LRRIQ1: variants seen among roughly 807,000 people sequenced by gnomAD.
LRRIQ1 encodes the protein leucine rich repeats and IQ motif containing 1.
LRRIQ1 carries 210 observed loss-of-function variants against 211.9 expected under a neutral mutation model. The ratio of observed to expected loss-of-function variants is 0.99; its 90% confidence interval spans 0.89 to 1.11. The LOEUF (loss-of-function observed/expected upper bound fraction) is 1.11. Among genes scored for constraint, LRRIQ1 ranks in the 50% most tolerant of loss-of-function variants. The pLI, the probability that LRRIQ1 is intolerant of heterozygous loss-of-function variation, is 0.00. For missense variants in LRRIQ1, 2,136 were observed against 1,939.5 expected, an observed-to-expected ratio of 1.10 and a Z score of -1.90; for synonymous variants, 699 against 650.1, an observed-to-expected ratio of 1.08 and a Z score of -1.14.
At chr12:85,236,830 CATATATAT>C (rs60371759) in intron 26 of LRRIQ1, among the ~76,000 whole-genome samples, 1,203 of 108,800 alleles carry the variant, frequency 0.011, 60 homozygotes, top group African/African-American at 0.05. Context: ...TGTATGTGTG[CATATATAT>C]ATATATATAT....
At chr12:85,168,665 G>A (rs957739201) in intron 24 of LRRIQ1, among the ~76,000 whole-genome samples, 1 of 152,084 alleles carries the variant, frequency 6.6e-6, no homozygotes, top group Non-Finnish European at 1.5e-5. Context: ...CTGGCTATGG[G>A]AGAAAGAGTA....
At chr12:85,093,643 C>T (rs1304130864) in intron 11 of LRRIQ1, among the ~76,000 whole-genome samples, 1 of 152,200 alleles carries the variant, frequency 6.6e-6, no homozygotes, top group Admixed American at 6.5e-5. Flanking sequence ...CATTTGCTTA[C>T]TTCTATGACA....
intron 24 of LRRIQ1, among the ~76,000 whole-genome samples, chr12:85,191,175 C>T (rs764140768): frequency 6.6e-6 from 1 of 151,896 alleles, no homozygotes; most frequent in Non-Finnish European, 1.5e-5. Flanking sequence ...ATCATTATCA[C>T]CCAAAGTCCA....
chr12:85,254,205 A>G (rs1041192890), intron 1 of LRRIQ1, among the ~76,000 whole-genome samples: 5 of 152,078 alleles, frequency 3.3e-5, no homozygotes, highest in African/African-American at 1.2e-4. Flanking sequence ...AGCAGATGCC[A>G]TCATGCTTCC....
At chr12:85,272,206 C>A in the LRRIQ1 span, among the ~76,000 whole-genome samples, 1 of 152,132 alleles carries the variant, frequency 6.6e-6, no homozygotes, top group Non-Finnish European at 1.5e-5. Context: ...AGTAAAGTTT[C>A]TTTAGTTTAT....
chr12:85,116,386 C>T (rs1421078807), intron 15 of LRRIQ1, among the ~76,000 whole-genome samples: 2 of 152,120 alleles, frequency 1.3e-5, no homozygotes, highest in East Asian at 1.9e-4. Flanking sequence ...CCTCGTGATC[C>T]GCCCGCCTCG....
At chr12:85,039,001 A>G in intron 2 of LRRIQ1, among the ~76,000 whole-genome samples, 1 of 151,246 alleles carries the variant, frequency 6.6e-6, no homozygotes, top group Non-Finnish European at 1.5e-5. Flanking sequence ...TTTTTTTGAA[A>G]AAGAAAATTT....
At chr12:85,160,865 T>C (rs1555218427) in intron 24 of LRRIQ1, 151 bp downstream of exon 24, 1 of 339,144 alleles carries the variant, frequency 2.9e-6, no homozygotes, top group Non-Finnish European at 5.2e-6. Context: ...AATATGGCTC[T>C]TAAAGCTGAA....
chr12:85,114,721 G>T (rs1429226309), intron 15 of LRRIQ1, among the ~76,000 whole-genome samples: 1 of 152,054 alleles, frequency 6.6e-6, no homozygotes, highest in Non-Finnish European at 1.5e-5. Context: ...ATATTTAAAT[G>T]AACTTTTCTG....
At chr12:85,055,307 T>C (rs983600002) in intron 7 of LRRIQ1, among the ~76,000 whole-genome samples, 4 of 152,118 alleles carry the variant, frequency 2.6e-5, no homozygotes, top group African/African-American at 4.8e-5. Flanking sequence ...TCAATTCATA[T>C]CTGGGTGGCT....
Position 85,139,116 on chromosome 12 carries a change from A to G in LRRIQ1, c.4329+1147A>G, listed in dbSNP as rs181407058. Among the ~76,000 whole-genome samples, 8 of 151,544 alleles carry G rather than the reference A, an allele frequency of 5.3e-5. No homozygotes were observed. In the East Asian group the frequency reaches 1.6e-3, roughly 30 times the overall value. ...AAAGTAAGGGGTGGATTGTTGCTTC[A>G]TGTAGTTTCCACCACTAAGAAGAAT... On this transcript the variant is annotated intron_variant, in intron 19 of 26. Transcript: ENST00000393217.
chr12:85,244,950 A>G lies in LRRIQ1; in HGVS notation c.*9A>G. ...CTTCAAAATTAATTTAGAAATCACA[A>G]ACGAATTGATGGAACCTAATGCCAA... On this transcript the variant is annotated 3_prime_UTR_variant, in exon 27 of 27. Coordinates refer to ENST00000393217, the MANE Select transcript of LRRIQ1 (RefSeq NM_001079910.2). 2 of 1,609,216 alleles carry G rather than the reference A, an allele frequency of 1.2e-6. No individual in the cohort carries two copies. Among genetic ancestry groups the G allele is most frequent in the Admixed American group, 1.7e-5 (1 of 59,582 alleles).
chr12:85,150,594 T>C (rs1890174777), intron 19 of LRRIQ1, among the ~76,000 whole-genome samples: 1 of 151,714 alleles, frequency 6.6e-6, no homozygotes, highest in Admixed American at 6.6e-5. Flanking sequence ...ATCTTTTTTT[T>C]CTGTAATTTT....
chr12:85,069,689 CA>C (rs1882858212), intron 10 of LRRIQ1, among the ~76,000 whole-genome samples: 1 of 152,066 alleles, frequency 6.6e-6, no homozygotes, highest in Admixed American at 6.5e-5. Flanking sequence ...CTCTGATGGC[CA>C]GTGATGATGA....
intron 24 of LRRIQ1, among the ~76,000 whole-genome samples, chr12:85,208,411 C>T (rs1414990753): frequency 1.3e-5 from 2 of 151,796 alleles, no homozygotes; most frequent in Non-Finnish European, 2.9e-5. Context: ...CACATTAATG[C>T]GGATATATAG....
intron 24 of LRRIQ1, among the ~76,000 whole-genome samples, chr12:85,216,132 A>G (rs1894066914): frequency 6.6e-6 from 1 of 152,138 alleles, no homozygotes; most frequent in African/African-American, 2.4e-5. Flanking sequence ...TCAACTCGTC[A>G]TCTACATTAG....
chr12:85,072,189 T>C lies in LRRIQ1; in HGVS notation c.2696-718T>C, dbSNP rs1883157473. Among the ~76,000 whole-genome samples the C allele has an allele frequency of 1.3e-5, 2 of 151,938 alleles. 1 individual carries two copies. The highest frequency in any genetic ancestry group is 4.1e-4 in the South Asian group (2 of 4,828). On this transcript the variant is annotated intron_variant, in intron 10 of 26. Coordinates refer to ENST00000393217, the MANE Select transcript of LRRIQ1 (RefSeq NM_001079910.2). ...CATCATTTTCATAATTTTAGGGTTT[T>C]TAAAAATGTTTTACCTTAGATTTAA...
chr12:85,261,465 CT>C (rs1333470768), intron 1 of LRRIQ1, among the ~76,000 whole-genome samples: 1 of 151,918 alleles, frequency 6.6e-6, no homozygotes, highest in Non-Finnish European at 1.5e-5. Flanking sequence ...CTCAAATGGC[CT>C]AATGTTTGCT....
chr12:85,137,928 G>A lies in LRRIQ1; in HGVS notation c.4288G>A (p.Glu1430Lys). The stretch of plus-strand genomic sequence containing the variant: ...TATTAAGAATGAAGAATCCGATGAA[G>A]AATACAGAGAAATAGATTTAGAGGA... Reference protein sequence around the residue: ...EAIKNEESDEEYREIDLEDFI... With the variant: ...EAIKNEESDEKYREIDLEDFI... The change falls in exon 19 of 27, where the codon GAA becomes AAA. Residue 1430 changes from glutamate to lysine, a missense_variant. Physicochemically the swap from Glu to Lys is moderately conservative, Grantham distance 56 (BLOSUM62 1). Transcript: ENST00000393217. 6.6e-7 allele frequency: 1 copy of A among 1,514,220 alleles called. No individual in the cohort carries two copies. Among genetic ancestry groups the A allele is most frequent in the Middle Eastern group, 1.7e-4 (1 of 5,800 alleles). The allele number at this position is 1,514,220 out of a possible 1,614,324, so 93.8% of individuals were successfully genotyped here. A position where few individuals can be genotyped will look rare whatever the true frequency, so the allele number is the denominator to read the frequency against.
Sources: gnomAD v4.1 joint callset for allele counts (sites outside exome capture counted in the v4.1 genomes callset) on GRCh38, gnomAD v4.1.1 for gene constraint, MANE v1.5 for transcripts, NCBI Gene and HGNC (gene_info 2026-07-23, HGNC 2026-07-21) for gene names.